Variants in NCOA1 observed in about 807,000 individuals in gnomAD.
NCOA1 encodes the protein Hin-2 protein.
A neutral mutation model predicts 150.9 loss-of-function variants in NCOA1; 35 were observed. The observed-to-expected ratio is 0.23, with a 90% CI of 0.18 to 0.31. NCOA1 has a LOEUF of 0.31. Ranked by LOEUF, NCOA1 falls within the 10% of genes least tolerant of loss-of-function variation. The probability of loss-of-function intolerance (pLI) is 1.00; values close to 1 mark genes in which losing one functional copy is unlikely to be tolerated. For missense variants in NCOA1, 1,491 were observed against 1,749.3 expected, an observed-to-expected ratio of 0.85 and a Z score of 2.63; for synonymous variants, 590 against 630.0, an observed-to-expected ratio of 0.94 and a Z score of 0.95.
At chr2:24,624,704 A>G (rs1669329518) in intron 3 of NCOA1, among the ~76,000 whole-genome samples, 1 of 152,240 alleles carries the variant, frequency 6.6e-6, no homozygotes, top group Non-Finnish European at 1.5e-5. Context: ...ATGATGAAAC[A>G]ATATATACAT....
chr2:24,751,901 C>A, intron 19 of NCOA1, 81 bp from the exon 20 acceptor site: 1 of 1,261,222 alleles, frequency 7.9e-7, no homozygotes, highest in Non-Finnish European at 1.1e-6. Flanking sequence ...TATATTGTGA[C>A]AGATCCTTTT....
intron 11 of NCOA1, among the ~76,000 whole-genome samples, chr2:24,701,628 G>C (rs1673167125): frequency 6.6e-6 from 1 of 151,928 alleles, no homozygotes; most frequent in Non-Finnish European, 1.5e-5. Flanking sequence ...GTTTATCTCT[G>C]CATGATGGAA....
At chr2:24,589,635 GTGTGTGTGT>G (rs1667564172) in intron 3 of NCOA1, among the ~76,000 whole-genome samples, 1 of 140,288 alleles carries the variant, frequency 7.1e-6, no homozygotes, top group African/African-American at 3.1e-5. Context: ...TTGGTGGTGT[GTGTGTGTGT>G]GTGTGTGTGT....
In NCOA1 at chr2:24,707,059, A is replaced by T; in HGVS notation, c.1589A>T (p.Asn530Ile). The change falls in exon 13 of 23, where the codon AAC becomes ATC. Residue 530 changes from asparagine to isoleucine, a missense_variant. Asn to Ile is a moderately radical substitution (Grantham distance 149). Coordinates refer to ENST00000348332, the MANE Select transcript of NCOA1 (RefSeq NM_003743.5). ...GMTSSACNNN[N>I]RSYSNIPVTS... is the part of the protein sequence containing the mutation. ...ACAAGTAGTGCCTGTAATAATAATA[A>T]CCGATCTTATTCAAACATCCCAGTA... 6.2e-7 allele frequency: 1 copy of T among 1,614,138 alleles called. No homozygotes were observed. The highest frequency in any genetic ancestry group is 8.5e-7 in the Non-Finnish European group (1 of 1,180,010).
intron 14 of NCOA1, among the ~76,000 whole-genome samples, chr2:24,718,725 C>CA (rs556188432): frequency 0.11 from 12,437 of 114,820 alleles, 611 homozygotes; most frequent in East Asian, 0.16. Context: ...ACTAAAACTA[C>CA]AAAAAAAAAA....
rs769212144 is a variant in NCOA1, at chr2:24,706,883, C to G, written c.1413C>G (p.Leu471=). Residue 471 remains leucine, a synonymous_variant, in exon 13 of 23, where the codon CTC becomes CTG. Coordinates refer to ENST00000348332, the MANE Select transcript of NCOA1 (RefSeq NM_003743.5). ...SSQSSNPSLN[L]NNSPMEGTGI... ...AGAGCAGTAATCCCTCTTTAAACCTCAATAATTCTCCTATGGAAGGTACAG... is the reference window on the plus strand; with the variant it reads ...AGAGCAGTAATCCCTCTTTAAACCTGAATAATTCTCCTATGGAAGGTACAG... 2.5e-6 allele frequency: 4 copies of G among 1,614,056 alleles called. No homozygotes were observed. The highest frequency in any genetic ancestry group is 4.5e-5 in the East Asian group (2 of 44,894).
At chr2:24,613,187 T>C (rs962696770) in intron 3 of NCOA1, among the ~76,000 whole-genome samples, 1 of 152,186 alleles carries the variant, frequency 6.6e-6, no homozygotes, top group South Asian at 2.1e-4. Context: ...TATGTACTTC[T>C]TTGGGCAGAT....
chr2:24,668,163 A>T (rs1572566106), intron 6 of NCOA1, among the ~76,000 whole-genome samples: 1 of 152,180 alleles, frequency 6.6e-6, no homozygotes, highest in Non-Finnish European at 1.5e-5. Context: ...ATGAGAGAAA[A>T]AATAAGAAAC....
At chr2:24,688,923 A>G (rs1324722702) in intron 8 of NCOA1, among the ~76,000 whole-genome samples, 3 of 152,162 alleles carry the variant, frequency 2.0e-5, no homozygotes, top group Non-Finnish European at 4.4e-5. Flanking sequence ...TGATTTTTGT[A>G]TATGGTGTAA....
In NCOA1 at chr2:24,770,472, A is replaced by G. The variant is rs530167748; in HGVS notation, c.*2081A>G. ...ATTGCACTGTTTGTTTTATGTATGT[A>G]CAGATTAAAATTATTGCTACATTTG... On this transcript the variant is annotated 3_prime_UTR_variant, in exon 23 of 23. Coordinates refer to ENST00000348332, the MANE Select transcript of NCOA1 (RefSeq NM_003743.5). 4.4e-6 allele frequency: 1 copy of G among 225,242 alleles called. No homozygotes were observed. Among genetic ancestry groups the G allele is most frequent in the African/African-American group, 2.2e-5 (1 of 45,004 alleles). The allele number at this position is 225,242 out of a possible 1,614,324, so 14.0% of individuals were successfully genotyped here.
Position 24,711,060 on chromosome 2 carries a change from C to A in NCOA1, c.2548C>A (p.Leu850Met), listed in dbSNP as rs1673724053. 6.2e-7 allele frequency: 1 copy of A among 1,614,042 alleles called. No homozygotes were observed. Among genetic ancestry groups the A allele is most frequent in the Admixed American group, 1.7e-5 (1 of 59,994 alleles). The change falls in exon 14 of 23, where the codon CTG becomes ATG. Residue 850 changes from leucine to methionine, a missense_variant. Coordinates refer to ENST00000348332, the MANE Select transcript of NCOA1 (RefSeq NM_003743.5). ...CAGTGTAACCATCAAATCGGAGATC[C>A]TGCCAGCTTCACTTCAGTCCGCCAC... ...VTSVTIKSEILPASLQSATAR... is the reference protein window; with the variant it reads ...VTSVTIKSEIMPASLQSATAR...
intron 1 of NCOA1, among the ~76,000 whole-genome samples, chr2:24,529,439 C>T (rs566084932): frequency 8.5e-5 from 13 of 152,276 alleles, no homozygotes; most frequent in South Asian, 2.1e-4. Context: ...GTGATCCTCC[C>T]GCCCTGGCCT....
At chr2:24,670,039 A>C (rs1671612690) in intron 6 of NCOA1, among the ~76,000 whole-genome samples, 1 of 152,188 alleles carries the variant, frequency 6.6e-6, no homozygotes, top group African/African-American at 2.4e-5. Context: ...TCGGGAGACC[A>C]AGGTGGGAGG....
At chr2:24,614,055 A>G (rs1178025162) in intron 3 of NCOA1, among the ~76,000 whole-genome samples, 1 of 151,804 alleles carries the variant, frequency 6.6e-6, no homozygotes, top group African/African-American at 2.4e-5. Flanking sequence ...TCTTTGTCTG[A>G]TAGTGTCTTA....
chr2:24,691,464 C>A lies in NCOA1; in HGVS notation c.533-17C>A. On this transcript the variant is annotated splice_polypyrimidine_tract_variant and intron_variant, in intron 8 of 22. Transcript: ENST00000348332. ...TTCACCATATTCGCAAGCACATAAT[C>A]AATTTTTCTTCCTCAGTAAATGGAG... The A allele has an allele frequency of 1.2e-6, 2 of 1,610,522 alleles. No individual in the cohort carries two copies. The highest frequency in any genetic ancestry group is 2.2e-5 in the South Asian group (2 of 90,692).
intron 4 of NCOA1, among the ~76,000 whole-genome samples, chr2:24,647,986 C>A (rs774277140): frequency 1.3e-5 from 2 of 151,878 alleles, no homozygotes; most frequent in African/African-American, 2.4e-5. Context: ...TATTGAGAAC[C>A]CCGGAAAATG....
At chr2:24,676,974 A>G (rs1415668463) in intron 7 of NCOA1, among the ~76,000 whole-genome samples, 1 of 152,228 alleles carries the variant, frequency 6.6e-6, no homozygotes, top group African/African-American at 2.4e-5. Context: ...GATTATGTAA[A>G]GAGACTAAAC....
At chr2:24,691,716 G>C in intron 9 of NCOA1, 56 bp downstream of exon 9, 1 of 1,552,814 alleles carries the variant, frequency 6.4e-7, no homozygotes, top group Non-Finnish European at 8.8e-7. Flanking sequence ...TTAAGGAAAA[G>C]AGAGGAAATT....
At chr2:24,642,088 G>GT (rs1670257254) in intron 3 of NCOA1, among the ~76,000 whole-genome samples, 2 of 150,758 alleles carry the variant, frequency 1.3e-5, no homozygotes, top group Non-Finnish European at 3.0e-5. Flanking sequence ...TTATAGTAGG[G>GT]GTATGTGTGG....
Sources: allele counts gnomAD v4.1 joint callset (sites outside exome capture counted in the v4.1 genomes callset), GRCh38; gene constraint gnomAD v4.1.1; transcripts MANE v1.5; gene names NCBI Gene and HGNC (gene_info 2026-07-23, HGNC 2026-07-21).